The following ISLR2 variants were observed in gnomAD, a reference collection of about 807,000 sequenced individuals.
ISLR2 encodes immunoglobulin superfamily containing leucine rich repeat 2.
In ISLR2, 16 loss-of-function variants were observed where a neutral mutation model predicts 25.5. The ratio of observed to expected loss-of-function variants is 0.63; its 90% CI spans 0.43 to 0.95. ISLR2 has a LOEUF of 0.95. ISLR2 is among the 40% of genes least tolerant of loss of function. The probability of loss-of-function intolerance (pLI) is 0.00; values close to 1 mark genes in which losing one functional copy is unlikely to be tolerated. For synonymous variants in ISLR2, 508 were observed against 486.6 expected (o/e 1.04, Z -0.58); for missense variants, 883 against 1,030.7 (o/e 0.86, Z 1.96).
At chr15:74,128,308 G>A, upstream of ISLR2, 2 of 409,578 alleles carry the variant, frequency 4.9e-6, no homozygotes, top group South Asian at 3.6e-5. Flanking sequence ...GAAGGCAGGG[G>A]TAAGGGGCGT....
intron 2 of ISLR2, among the ~76,000 whole-genome samples, chr15:74,116,841 A>G (rs2072214950): frequency 6.6e-6 from 1 of 152,184 alleles, no homozygotes; most frequent in African/African-American, 2.4e-5. Flanking sequence ...TGCTCCTGGA[A>G]GTGGGAAGAG....
upstream of ISLR2, chr15:74,130,489 C>CT (rs1030073175): frequency 2.0e-5 from 3 of 152,596 alleles, no homozygotes; most frequent in African/African-American, 7.2e-5. Context: ...CTTCCCCCCC[C>CT]ACTTCAGCCG....
chr15:74,117,408 T>G (rs1316108582), intron 2 of ISLR2, among the ~76,000 whole-genome samples: 1 of 152,120 alleles, frequency 6.6e-6, no homozygotes, highest in African/African-American at 2.4e-5. Flanking sequence ...AGGAAATATC[T>G]TAGGGCTCAC....
Position 74,132,413 on chromosome 15 carries a change from A to G in ISLR2, c.-8-334A>G, listed in dbSNP as rs980183987. 2.0e-5 allele frequency among the ~76,000 whole-genome samples: 3 copies of G among 152,124 alleles called. No individual in the cohort carries two copies. The highest frequency in any genetic ancestry group is 7.2e-5 in the African/African-American group (3 of 41,424). ...CACCAGGTTAAACGAAGGCTTAGAAACACAGAGAGGGGTACGTGAGGAGCC... is the reference window on the plus strand; with the variant it reads ...CACCAGGTTAAACGAAGGCTTAGAAGCACAGAGAGGGGTACGTGAGGAGCC... On this transcript the variant is annotated intron_variant, in intron 2 of 2. Coordinates refer to ENST00000453268, the MANE Select transcript of ISLR2 (RefSeq NM_020851.3). The surrounding 1 kb of genome is among the most constrained non-coding windows in gnomAD (Gnocchi z 4.3).
At chr15:74,108,225 A>C (rs1465938222) in intron 2 of ISLR2, among the ~76,000 whole-genome samples, 4 of 152,062 alleles carry the variant, frequency 2.6e-5, no homozygotes, top group African/African-American at 4.8e-5. Context: ...TCTGGCTTCT[A>C]AGGCTGAGGC....
intron 2 of ISLR2, among the ~76,000 whole-genome samples, chr15:74,120,050 A>T (rs2072241035): frequency 6.6e-6 from 1 of 152,184 alleles, no homozygotes; most frequent in African/African-American, 2.4e-5. Flanking sequence ...CTCCATTTAG[A>T]TTGACATATT....
upstream of ISLR2, chr15:74,128,467 C>T: frequency 2.2e-6 from 1 of 456,714 alleles, no homozygotes; most frequent in Non-Finnish European, 4.4e-6. Context: ...AACTCCTTGG[C>T]TTCTGCAACC....
At chr15:74,118,838 T>C (rs1421142683) in intron 2 of ISLR2, among the ~76,000 whole-genome samples, 1 of 152,030 alleles carries the variant, frequency 6.6e-6, no homozygotes, top group Non-Finnish European at 1.5e-5. Flanking sequence ...TTTGTATTTT[T>C]AGTAGAGACG....
At chr15:74,119,797 C>T (rs2072238580) in intron 2 of ISLR2, among the ~76,000 whole-genome samples, 1 of 152,024 alleles carries the variant, frequency 6.6e-6, no homozygotes, top group South Asian at 2.1e-4. Context: ...AAAACAATTG[C>T]AAAACCTAAA....
At chr15:74,119,950 C>T (rs1394018867) in intron 2 of ISLR2, among the ~76,000 whole-genome samples, 2 of 152,202 alleles carry the variant, frequency 1.3e-5, no homozygotes, top group African/African-American at 2.4e-5. Context: ...TTTCTATTAC[C>T]TCCAGGTCCT....
chr15:74,106,052 T>C (rs531900325), intron 2 of ISLR2, among the ~76,000 whole-genome samples: 3 of 152,176 alleles, frequency 2.0e-5, no homozygotes, highest in Admixed American at 2.0e-4. Context: ...AAAACCGGGC[T>C]CCATGGCTCA....
In ISLR2 at chr15:74,135,144, A is replaced by G; in HGVS notation, c.*152A>G. 2 of 942,056 alleles carry G rather than the reference A, an allele frequency of 2.1e-6. No individual in the cohort carries two copies. Among genetic ancestry groups the G allele is most frequent in the South Asian group, 1.7e-5 (1 of 58,138 alleles). The allele number at this position is 942,056 out of a possible 1,614,324, so 58.4% of individuals were successfully genotyped here. On this transcript the variant is annotated 3_prime_UTR_variant, in exon 3 of 3. Coordinates refer to ENST00000453268, the MANE Select transcript of ISLR2 (RefSeq NM_020851.3). The stretch of plus-strand genomic sequence containing the variant: ...CCAACCTTGACTACCAGGGACTTCT[A>G]TTAGGGAGTGGGCCGATTTCACCAG...
At chr15:74,127,769 C>A, upstream of ISLR2, 1 of 152,378 alleles carries the variant, frequency 6.6e-6, no homozygotes, top group South Asian at 2.1e-4. Context: ...GGAGCAAGTC[C>A]CCAGATCCAA....
At position 74,134,096 on chromosome 15, in the gene ISLR2, C is replaced by A. The variant is rs2072501353; in HGVS notation, c.1342C>A (p.Gln448Lys). ...DTSEGEEAEDQILADPAEEQR... is the reference protein window; with the variant it reads ...DTSEGEEAEDKILADPAEEQR... ...AAGTGAGGGAGAGGAGGCCGAAGAC[C>A]AGATCCTCGCGGACCCGGCGGAGGA... Residue 448 changes from glutamine to lysine, a missense_variant, in exon 3 of 3, where the codon CAG becomes AAG. Around this residue, in one of 2 missense-constraint regions of ISLR2, gnomAD observed 612 missense variants for 642.8 expected, o/e 0.95. Transcript: ENST00000453268. The A allele has an allele frequency of 6.2e-7, 1 of 1,613,682 alleles. No homozygotes were observed. Among genetic ancestry groups the A allele is most frequent in the East Asian group, 2.2e-5 (1 of 44,852 alleles).
At chr15:74,114,828 G>A (rs147362325) in intron 2 of ISLR2, among the ~76,000 whole-genome samples, 136 of 152,214 alleles carry the variant, frequency 8.9e-4, no homozygotes, top group Non-Finnish European at 1.6e-3. Flanking sequence ...GTTTACTGCC[G>A]GAAGCACTTA....
At chr15:74,105,776 A>G (rs1293810749) in intron 2 of ISLR2, among the ~76,000 whole-genome samples, 1 of 152,124 alleles carries the variant, frequency 6.6e-6, no homozygotes, top group Non-Finnish European at 1.5e-5. Context: ...GGAAAAGCCT[A>G]TATTGTCAAG....
chr15:74,137,008 A>G (rs915519481), downstream of ISLR2, among the ~76,000 whole-genome samples: 1 of 152,164 alleles, frequency 6.6e-6, no homozygotes, highest in Non-Finnish European at 1.5e-5. Context: ...GTGGGGTGAC[A>G]AAAAACGAGG....
At chr15:74,110,039 CT>C (rs951169245) in intron 2 of ISLR2, among the ~76,000 whole-genome samples, 3 of 152,168 alleles carry the variant, frequency 2.0e-5, no homozygotes, top group Non-Finnish European at 4.4e-5. Context: ...AGCAATTCAC[CT>C]GCCTTGGCCT....
At chr15:74,138,195 T>G (rs896114420), downstream of ISLR2, 1 of 151,938 alleles carries the variant, frequency 6.6e-6, no homozygotes, top group African/African-American at 2.4e-5. Context: ...TTGCTTGCCC[T>G]CTCAGCACAC....
Sources: allele counts gnomAD v4.1 joint callset (sites outside exome capture counted in the v4.1 genomes callset), GRCh38; gene constraint gnomAD v4.1.1; regional missense constraint gnomAD v4.1.1; non-coding constraint Gnocchi (gnomAD v3.1); transcripts MANE v1.5; gene names NCBI Gene and HGNC (gene_info 2026-07-23, HGNC 2026-07-21).